Variants in ANKRD11 observed in about 807,000 individuals in gnomAD.
ANKRD11 encodes ankyrin repeat domain 11.
ANKRD11 carries 17 observed loss-of-function variants against 195.7 expected under a neutral mutation model. The observed-to-expected ratio is 0.09, with a 90% CI of 0.06 to 0.13. The LOEUF (loss-of-function observed/expected upper bound fraction) is 0.13, where lower values mean the gene tolerates loss of function less well. ANKRD11 is among the 10% of genes least tolerant of loss of function. ANKRD11 has a pLI of 1.00. For missense variants in ANKRD11, 3,735 were observed against 3,566.1 expected (o/e 1.05, Z -1.21); for synonymous variants, 1,953 against 1,528.1 (o/e 1.28, Z -6.49).
rs764665666 is a variant in ANKRD11, at chr16:89,280,169, C to T, written c.6373G>A (p.Ala2125Thr). The T allele has an allele frequency of 2.0e-5, 32 of 1,608,966 alleles. No homozygotes were observed. Among genetic ancestry groups the T allele is most frequent in the Non-Finnish European group, 2.5e-5 (29 of 1,178,746 alleles). The change falls in exon 9 of 13, where the codon GCC becomes ACC. Residue 2125 changes from alanine (A) to threonine (T), a missense_variant. By Grantham distance (58) the Ala-to-Thr change is moderately conservative. Coordinates refer to ENST00000301030, the MANE Select transcript of ANKRD11 (RefSeq NM_013275.6). ...VEPVPWADAF[A>T]GPEDDLDLGP... ...AGGTCCAGGTCGTCCTCGGGGCCGG[C>T]GAAGGCGTCCGCCCAGGGCACCGGC...
At chr16:89,473,965 A>G (rs1597520360) in intron 1 of ANKRD11, among the ~76,000 whole-genome samples, 2 of 152,220 alleles carry the variant, frequency 1.3e-5, no homozygotes, top group South Asian at 2.1e-4. Context: ...AGTCTACTGA[A>G]GCAGAAGACT....
At chr16:89,323,938 C>T (rs7203096) in intron 2 of ANKRD11, 2,884 of 218,526 alleles carry the variant, frequency 0.013, 77 homozygotes, top group African/African-American at 0.063. Context: ...CTCTTTGCTA[C>T]GGTTTGAATG....
rs190445770 is a variant in ANKRD11, at chr16:89,273,614, T to C, written c.7713+1200A>G. On this transcript the variant is annotated intron_variant, in intron 11 of 12. Transcript: ENST00000301030. Reference sequence around the variant, plus strand: ...CGGGAGGCTGAGGCAGGAGAATCGCTTGAACCCGGAAGCCAGAGGTTGCAG... The same window carrying C: ...CGGGAGGCTGAGGCAGGAGAATCGCCTGAACCCGGAAGCCAGAGGTTGCAG... Among the ~76,000 whole-genome samples, 685 of 151,962 alleles carry C rather than the reference T, an allele frequency of 4.5e-3. 3 individuals carry two copies. Among genetic ancestry groups the C allele is most frequent in the African/African-American group, 0.016 (661 of 41,434 alleles).
At chr16:89,409,392 C>T (rs1271431635) in intron 2 of ANKRD11, among the ~76,000 whole-genome samples, 2 of 152,234 alleles carry the variant, frequency 1.3e-5, no homozygotes, top group African/African-American at 4.8e-5. Context: ...TCCCCATCCT[C>T]AGGCCATTCT....
At chr16:89,326,992 TGGGGAATGCAGAG>T (rs372052583) in intron 2 of ANKRD11, among the ~76,000 whole-genome samples, 45 of 139,116 alleles carry the variant, frequency 3.2e-4, no homozygotes, top group African/African-American at 1.1e-3. Context: ...AATGCAGAGG[TGGGGAATGCAGAG>T]GGGGAATGCA....
At chr16:89,369,142 AC>A (rs2040081641) in intron 2 of ANKRD11, among the ~76,000 whole-genome samples, 1 of 152,128 alleles carries the variant, frequency 6.6e-6, no homozygotes, top group South Asian at 2.1e-4. Flanking sequence ...GACCAACCAC[AC>A]CAGATCACAG....
intron 1 of ANKRD11, among the ~76,000 whole-genome samples, chr16:89,445,669 A>AT (rs199576235): frequency 0.01 from 1,536 of 152,208 alleles, 22 homozygotes; most frequent in African/African-American, 0.035. Flanking sequence ...AAATAACTGT[A>AT]TTTTTTTAAA....
chr16:89,278,299 G>A (rs1282572207), intron 9 of ANKRD11: 1 of 351,256 alleles, frequency 2.8e-6, no homozygotes, highest in Non-Finnish European at 5.6e-6. Context: ...TGCTGGGAAA[G>A]ACCCCAGTGG....
intron 3 of ANKRD11, among the ~76,000 whole-genome samples, chr16:89,316,681 G>T (rs2036976733): frequency 6.6e-6 from 1 of 152,192 alleles, no homozygotes; most frequent in African/African-American, 2.4e-5. Context: ...CCACATTGAG[G>T]CTCAGGCCAA....
chr16:89,412,913 G>T (rs551825900), intron 2 of ANKRD11, among the ~76,000 whole-genome samples: 21 of 152,284 alleles, frequency 1.4e-4, no homozygotes, highest in African/African-American at 4.8e-4. Context: ...AGAGGTCACA[G>T]GTCAGCAGAG....
At chr16:89,446,108 A>T (rs1405909853) in intron 1 of ANKRD11, among the ~76,000 whole-genome samples, 3 of 152,112 alleles carry the variant, frequency 2.0e-5, no homozygotes, top group Non-Finnish European at 2.9e-5. Context: ...CCATCTTTAA[A>T]AAAAAAAAAC....
At chr16:89,450,297 T>C (rs2044010964) in intron 1 of ANKRD11, among the ~76,000 whole-genome samples, 2 of 152,080 alleles carry the variant, frequency 1.3e-5, no homozygotes, top group South Asian at 4.1e-4. Flanking sequence ...ACCTAAGACA[T>C]TCACCCCCCA....
At chr16:89,398,652 G>A (rs2041566558) in intron 2 of ANKRD11, among the ~76,000 whole-genome samples, 1 of 152,188 alleles carries the variant, frequency 6.6e-6, no homozygotes, top group Non-Finnish European at 1.5e-5. Flanking sequence ...TGAGGCAGGA[G>A]GAAGGTTTGA....
At position 89,356,971 on chromosome 16, in the gene ANKRD11, T is replaced by C. The variant is rs2039513536; in HGVS notation, c.-59-39893A>G. Among the ~76,000 whole-genome samples the C allele has an allele frequency of 2.0e-5, 3 of 152,160 alleles. No homozygotes were observed. In the South Asian group the frequency reaches 6.2e-4, roughly 31 times the overall value. On this transcript the variant is annotated intron_variant, in intron 2 of 12. Transcript: ENST00000301030. ...GCTCCCAAGTGACCTGTGACCATCT[T>C]GGAGGGGTTGGTGGCTGCCTTGTCA...
chr16:89,393,954 T>G, intron 2 of ANKRD11, among the ~76,000 whole-genome samples: 1 of 152,202 alleles, frequency 6.6e-6, no homozygotes, highest in East Asian at 1.9e-4. Flanking sequence ...TTGTGAGGGC[T>G]ACGAATAAGT....
intron 2 of ANKRD11, among the ~76,000 whole-genome samples, chr16:89,332,257 G>A (rs553153851): frequency 6.6e-6 from 1 of 152,258 alleles, no homozygotes; most frequent in South Asian, 2.1e-4. Context: ...TATAAACACT[G>A]AAACAGACAA....
chr16:89,381,540 T>C (rs970756886), intron 2 of ANKRD11, among the ~76,000 whole-genome samples: 3 of 152,216 alleles, frequency 2.0e-5, no homozygotes, highest in Admixed American at 1.3e-4. Flanking sequence ...TTATAAAACA[T>C]GCACTATGAT....
chr16:89,356,533 A>G (rs979163423), intron 2 of ANKRD11, among the ~76,000 whole-genome samples: 1 of 151,724 alleles, frequency 6.6e-6, no homozygotes, highest in African/African-American at 2.4e-5. Flanking sequence ...GCTCTTTGGG[A>G]GGCCGAGGCG....
chr16:89,341,300 G>C (rs1268920940), intron 2 of ANKRD11, among the ~76,000 whole-genome samples: 2 of 152,164 alleles, frequency 1.3e-5, no homozygotes, highest in African/African-American at 4.8e-5. Context: ...TACACCACAG[G>C]ATTTTTCGTT....
Sources: allele counts gnomAD v4.1 joint callset (sites outside exome capture counted in the v4.1 genomes callset), GRCh38; gene constraint gnomAD v4.1.1; transcripts MANE v1.5; gene names NCBI Gene and HGNC (gene_info 2026-07-23, HGNC 2026-07-21).